HTR2C: variants seen among roughly 807,000 people sequenced by gnomAD.
HTR2C encodes the protein 5-hydroxytryptamine receptor 2C, also known as 5-hydroxytryptamine (serotonin) receptor 2C, G protein-coupled.
A neutral mutation model predicts 21.0 loss-of-function variants in HTR2C; 5 were observed. The observed-to-expected ratio is 0.24, with a 90% CI of 0.12 to 0.50. HTR2C has a LOEUF of 0.50. Among genes scored for constraint, HTR2C ranks in the 20% least tolerant of loss-of-function variants. The pLI is 0.98. For synonymous variants in HTR2C, 150 were observed against 145.3 expected, an observed-to-expected ratio of 1.03 and a Z score of -0.23; for missense variants, 271 against 371.2, an observed-to-expected ratio of 0.73 and a Z score of 2.22.
chrX:114,807,829 C>T (rs1556451238), intron 4 of HTR2C, among the ~76,000 whole-genome samples: 1 of 109,819 alleles, frequency 9.1e-6, no homozygotes, highest in African/African-American at 3.3e-5. Context: ...CATACCACCA[C>T]GCCCAGCTAA....
intron 2 of HTR2C, among the ~76,000 whole-genome samples, chrX:114,661,416 A>AAAC (rs1556410164): frequency 0.012 from 1,291 of 108,529 alleles, 17 homozygotes; most frequent in African/African-American, 0.038. Context: ...AAAAAAAAAA[A>AAAC]CTATAATATC....
chrX:114,723,208 A>G (rs1490925183), intron 2 of HTR2C, among the ~76,000 whole-genome samples: 4 of 111,208 alleles, frequency 3.6e-5, no homozygotes, highest in Non-Finnish European at 5.7e-5. Flanking sequence ...TTATTGGTCT[A>G]TTCAGAGATT....
chrX:114,659,382 T>G (rs73580557), intron 2 of HTR2C, among the ~76,000 whole-genome samples: 1,825 of 110,943 alleles, frequency 0.016, 40 homozygotes, highest in African/African-American at 0.057. Flanking sequence ...ACAGTGACAG[T>G]TTTTATGCTC....
chrX:114,603,833 A>G (rs1484490445), intron 1 of HTR2C, among the ~76,000 whole-genome samples: 77 of 97,458 alleles, frequency 7.9e-4, no homozygotes, highest in African/African-American at 2.6e-3. Flanking sequence ...TGAAGATAGG[A>G]GAGTATATGG....
chrX:114,703,473 G>T (rs1461664729), intron 2 of HTR2C, among the ~76,000 whole-genome samples: 2 of 110,148 alleles, frequency 1.8e-5, no homozygotes, highest in Non-Finnish European at 3.8e-5. Flanking sequence ...GGGTACATAA[G>T]GAAATGAAGG....
At chrX:114,743,777 C>T (rs922083759) in intron 4 of HTR2C, among the ~76,000 whole-genome samples, 8 of 111,657 alleles carry the variant, frequency 7.2e-5, no homozygotes, top group South Asian at 3.7e-4. Flanking sequence ...CAGCAAACCT[C>T]GAACAGGATA....
chrX:114,769,849 C>G (rs1402164305), intron 4 of HTR2C, among the ~76,000 whole-genome samples: 1 of 111,508 alleles, frequency 9.0e-6, no homozygotes, highest in Admixed American at 9.6e-5. Context: ...ATTCAAGTTA[C>G]CATCTACCTT....
chrX:114,802,481 G>C (rs1239022335), intron 4 of HTR2C, among the ~76,000 whole-genome samples: 1 of 110,962 alleles, frequency 9.0e-6, no homozygotes, highest in Non-Finnish European at 1.9e-5. Flanking sequence ...ATGTGCCACA[G>C]AGTTTTACAA....
chrX:114,599,973 G>C (rs997363867), intron 1 of HTR2C, among the ~76,000 whole-genome samples: 2 of 111,270 alleles, frequency 1.8e-5, no homozygotes, highest in Non-Finnish European at 3.8e-5. Flanking sequence ...TAAATATAGA[G>C]CAGAATCTCG....
chrX:114,788,189 T>C (rs2070196928), intron 4 of HTR2C, among the ~76,000 whole-genome samples: 1 of 111,067 alleles, frequency 9.0e-6, no homozygotes, highest in African/African-American at 3.3e-5. Context: ...AACTACAGAT[T>C]TAGACTAACC....
intron 2 of HTR2C, among the ~76,000 whole-genome samples, chrX:114,704,741 C>A (rs1442476891): frequency 1.8e-5 from 2 of 110,168 alleles, no homozygotes; most frequent in African/African-American, 3.3e-5. Context: ...AAAGGGTATT[C>A]AATTAGGAAA....
chrX:114,908,927 G>A lies in HTR2C; in HGVS notation c.*1512G>A, dbSNP rs782095254. The A allele has an allele frequency of 8.9e-6, 1 of 112,697 alleles. No individual in the cohort carries two copies. Among genetic ancestry groups the A allele is most frequent in the Admixed American group, 9.4e-5 (1 of 10,593 alleles). The allele number at this position is 112,697 out of a possible 1,213,427, so 9.3% of individuals were successfully genotyped here. ...ACACAACTGTGGATAAATTTTGGAAGAATTCATGATGCTAGTTCTTACGCT... is the reference window on the plus strand; with the variant it reads ...ACACAACTGTGGATAAATTTTGGAAAAATTCATGATGCTAGTTCTTACGCT... On this transcript the variant is annotated 3_prime_UTR_variant, in exon 6 of 6. Coordinates refer to ENST00000276198, the MANE Select transcript of HTR2C (RefSeq NM_000868.4).
intron 4 of HTR2C, among the ~76,000 whole-genome samples, chrX:114,733,604 A>T (rs1235350263): frequency 9.2e-6 from 1 of 109,049 alleles, no homozygotes; most frequent in Non-Finnish European, 1.9e-5. Context: ...ACTTGAAAAA[A>T]AAAAAGCACA....
intron 5 of HTR2C, among the ~76,000 whole-genome samples, chrX:114,850,976 G>A (rs1388864388): frequency 1.8e-5 from 2 of 110,843 alleles, no homozygotes; most frequent in East Asian, 2.8e-4. Context: ...TAGACTTTTC[G>A]GCAAAAAACA....
At chrX:114,900,523 G>C (rs1233677215) in intron 5 of HTR2C, 1 of 113,901 alleles carries the variant, frequency 8.8e-6, no homozygotes, top group African/African-American at 3.3e-5. Flanking sequence ...ACATGGGTTT[G>C]CCAGGAGCCA....
At chrX:114,591,658 A>T (rs1412961970) in intron 1 of HTR2C, among the ~76,000 whole-genome samples, 1 of 111,921 alleles carries the variant, frequency 8.9e-6, no homozygotes, top group African/African-American at 3.2e-5. Context: ...TTTATCTGCC[A>T]AATTAGTGAA....
chrX:114,637,308 G>A (rs1929879044), intron 2 of HTR2C, among the ~76,000 whole-genome samples: 1 of 110,993 alleles, frequency 9.0e-6, no homozygotes, highest in Non-Finnish European at 1.9e-5. Flanking sequence ...ATATAAATCA[G>A]TCTTTGTTTT....
intron 2 of HTR2C, among the ~76,000 whole-genome samples, chrX:114,671,183 G>A (rs1442400870): frequency 9.0e-6 from 1 of 111,731 alleles, no homozygotes; most frequent in Non-Finnish European, 1.9e-5. Context: ...AAATTTTCAT[G>A]TATGACCATT....
chrX:114,902,965 C>A (rs1217133915), intron 5 of HTR2C, among the ~76,000 whole-genome samples: 2 of 111,760 alleles, frequency 1.8e-5, no homozygotes, highest in Admixed American at 9.5e-5. Flanking sequence ...AAGCTAGATT[C>A]TCATATATGT....
Sources: gnomAD v4.1 joint callset for allele counts (sites outside exome capture counted in the v4.1 genomes callset) on GRCh38, gnomAD v4.1.1 for gene constraint, MANE v1.5 for transcripts, NCBI Gene and HGNC (gene_info 2026-07-23, HGNC 2026-07-21) for gene names.